The following LRRC53 variants were observed in gnomAD, a reference collection of about 807,000 sequenced individuals.
LRRC53 encodes leucine rich repeat containing 53.
LRRC53 carries 25 observed loss-of-function variants against 13.6 expected under a neutral mutation model. The ratio of observed to expected loss-of-function variants is 1.83; its 90% confidence interval spans 1.34 to 2.56. The LOEUF is 2.56. Among genes scored for constraint, LRRC53 ranks in the 30% most tolerant of loss-of-function variants. The pLI, the probability that LRRC53 is intolerant of heterozygous loss-of-function variation, is 0.00. For missense variants in LRRC53, 527 were observed against 275.8 expected, an observed-to-expected ratio of 1.91 and a Z score of -6.45; for synonymous variants, 204 against 109.8, an observed-to-expected ratio of 1.86 and a Z score of -5.37.
At chr1:74,522,524 C>A in the LRRC53 span, among the ~76,000 whole-genome samples, 1,281 of 152,186 alleles carry the variant, frequency 8.4e-3, 16 homozygotes, top group African/African-American at 0.029. Flanking sequence ...GTATAGAAGA[C>A]CTACTCCTGA....
upstream of LRRC53, among the ~76,000 whole-genome samples, chr1:74,515,941 G>A (rs984165): frequency 0.082 from 12,414 of 152,172 alleles, 1,120 homozygotes; most frequent in African/African-American, 0.22. Context: ...AGGTTCTGAT[G>A]TCTGACTCAG....
chr1:74,518,335 A>G, the LRRC53 span, among the ~76,000 whole-genome samples: 1 of 152,200 alleles, frequency 6.6e-6, no homozygotes, highest in African/African-American at 2.4e-5. Context: ...CTATTTCCAC[A>G]TAGCCTCTTA....
chr1:74,475,696 AG>A lies in LRRC53; in HGVS notation c.1018del (p.Leu340CysfsTer19). 2.8e-6 allele frequency: 2 copies of A among 709,266 alleles called. 1 individual carries two copies. Among genetic ancestry groups the A allele is most frequent in the South Asian group, 3.0e-5 (2 of 66,768 alleles). 43.9% of individuals were successfully genotyped at this position (709,266 alleles called of 1,614,324 possible). ...NLCCRTFDEP[L>X]CAHEARNYHT... ...GTAATTTCTTGCCTCATGAGCACAC[AG>A]GGGTTCATCGAAGGTTCTGCAACAA... On this transcript the variant is annotated frameshift_variant, in exon 4 of 5. Coordinates refer to ENST00000294635, the MANE Select transcript of LRRC53 (RefSeq NM_001382280.1). LOFTEE classifies it high-confidence loss of function.
chr1:74,519,759 C>A, the LRRC53 span, among the ~76,000 whole-genome samples: 1 of 151,990 alleles, frequency 6.6e-6, no homozygotes, highest in Non-Finnish European at 1.5e-5. Context: ...GGACAAGTAC[C>A]TATAATGAAG....
At chr1:74,490,136 G>A (rs1436905656) in intron 1 of LRRC53, among the ~76,000 whole-genome samples, 3 of 151,200 alleles carry the variant, frequency 2.0e-5, no homozygotes, top group African/African-American at 7.3e-5. Context: ...ACAGCCTGCA[G>A]TGAGTGGCTC....
intron 3 of LRRC53, among the ~76,000 whole-genome samples, chr1:74,476,980 A>G (rs1396033963): frequency 6.6e-6 from 1 of 152,118 alleles, no homozygotes; most frequent in East Asian, 1.9e-4. Flanking sequence ...GAACTCTTAA[A>G]TCTATTTTAA....
intron 3 of LRRC53, among the ~76,000 whole-genome samples, chr1:74,477,739 G>T (rs901230205): frequency 1.3e-5 from 2 of 152,166 alleles, no homozygotes; most frequent in Admixed American, 6.6e-5. Context: ...TTCCATTAGT[G>T]CAGAAAGCAA....
chr1:74,473,127 A>G (rs191640942), intron 4 of LRRC53, among the ~76,000 whole-genome samples: 17 of 152,272 alleles, frequency 1.1e-4, no homozygotes, highest in African/African-American at 3.6e-4. Flanking sequence ...AATACCATTA[A>G]TTGAGCACAT....
At chr1:74,516,779 AC>A (rs1277093198), upstream of LRRC53, among the ~76,000 whole-genome samples, 3 of 152,286 alleles carry the variant, frequency 2.0e-5, no homozygotes, top group East Asian at 5.8e-4. Context: ...TCATATAGCC[AC>A]ATTTCCCCAA....
chr1:74,516,810 A>G (rs1342201756), upstream of LRRC53, among the ~76,000 whole-genome samples: 4 of 152,218 alleles, frequency 2.6e-5, no homozygotes, highest in African/African-American at 9.6e-5. Context: ...TAACAAGTTA[A>G]GGCAGCTTAC....
rs112618918 is a variant in LRRC53 at position 74,492,557 on chromosome 1, G to A, written c.-26-9182C>T. ...AAAAGTATTCTGAAGCTATTTTATG[G>A]CATCCAAGCAAGAATTCCTGTGTGG... On this transcript the variant is annotated intron_variant, in intron 1 of 4. Transcript: ENST00000294635. Among the ~76,000 whole-genome samples the A allele has an allele frequency of 6.0e-3, 910 of 152,234 alleles. 13 individuals are homozygous for A. Among genetic ancestry groups the A allele is most frequent in the African/African-American group, 0.02 (845 of 41,534 alleles).
chr1:74,471,879 T>C lies in LRRC53; in HGVS notation c.1743A>G (p.Gln581=). The change falls in exon 5 of 5, where the codon CAA becomes CAG. Residue 581 remains glutamine (Q), a synonymous_variant. Transcript: ENST00000294635. ...SLICKYVPCE[Q]FEDYMKEKKP... ...TCTTTTCTTTCATGTAATCTTCAAA[T>C]TGCTCACAGGGCACATATTTACAGA... 1 of 455,782 alleles carries C rather than the reference T, an allele frequency of 2.2e-6. No homozygotes were observed. The highest frequency in any genetic ancestry group is 3.9e-6 in the Non-Finnish European group (1 of 258,048). The allele number at this position is 455,782 out of a possible 1,614,324, so 28.2% of individuals were successfully genotyped here. A position where few individuals can be genotyped will look rare whatever the true frequency, so the allele number is the denominator to read the frequency against.
chr1:74,505,110 C>T (rs1669826716), intron 1 of LRRC53, among the ~76,000 whole-genome samples: 1 of 152,120 alleles, frequency 6.6e-6, no homozygotes, highest in Non-Finnish European at 1.5e-5. Flanking sequence ...CAAAGGAGGG[C>T]CCGGGCCCAC....
chr1:74,525,047 A>G, the LRRC53 span, among the ~76,000 whole-genome samples: 1 of 152,218 alleles, frequency 6.6e-6, no homozygotes, highest in Non-Finnish European at 1.5e-5. Context: ...CACTGGGGAA[A>G]GAGACAAAGA....
chr1:74,491,273 G>A (rs1390676354), intron 1 of LRRC53, among the ~76,000 whole-genome samples: 1 of 152,214 alleles, frequency 6.6e-6, no homozygotes, highest in African/African-American at 2.4e-5. Flanking sequence ...AGGCTGGAGT[G>A]CAGTGGCGCA....
chr1:74,535,333 T>C, the LRRC53 span, among the ~76,000 whole-genome samples: 14 of 152,102 alleles, frequency 9.2e-5, no homozygotes, highest in Admixed American at 7.2e-4. Context: ...TAGCCAGGCA[T>C]GGTGGCACAT....
chr1:74,493,022 G>A (rs1557604358), intron 1 of LRRC53, among the ~76,000 whole-genome samples: 2 of 152,076 alleles, frequency 1.3e-5, no homozygotes, highest in Non-Finnish European at 2.9e-5. Context: ...AACTCTACTG[G>A]ATCAGGGCTT....
At position 74,470,897 on chromosome 1, in the gene LRRC53, C is replaced by T. The variant is rs1174939785; in HGVS notation, c.2725G>A (p.Gly909Arg). Reference protein sequence around the residue: ...QGTTESTEHMGQNVSKTSELN... With the variant: ...QGTTESTEHMRQNVSKTSELN... ...TCACTGGTCTTTGATACATTCTGTC[C>T]CATGTGCTCAGTGGACTCCGTTGTC... Residue 909 changes from glycine to arginine, a missense_variant, in exon 5 of 5, where the codon GGA becomes AGA. Gly to Arg is a moderately radical substitution (Grantham distance 125, BLOSUM62 -2). Transcript: ENST00000294635. The T allele has an allele frequency of 5.0e-6, 2 of 400,540 alleles. No homozygotes were observed. Among genetic ancestry groups the T allele is most frequent in the South Asian group, 2.5e-4 (2 of 7,944 alleles). 24.8% of individuals were successfully genotyped at this position (400,540 alleles called of 1,614,324 possible).
At chr1:74,512,246 G>T (rs1670265737) in intron 1 of LRRC53, among the ~76,000 whole-genome samples, 1 of 152,116 alleles carries the variant, frequency 6.6e-6, no homozygotes, top group Admixed American at 6.5e-5. Context: ...ATGGAGCTAG[G>T]GATAATATGG....
Sources: allele counts gnomAD v4.1 joint callset (sites outside exome capture counted in the v4.1 genomes callset), GRCh38; gene constraint gnomAD v4.1.1; transcripts MANE v1.5; gene names NCBI Gene and HGNC (gene_info 2026-07-23, HGNC 2026-07-21).